TMEM132D: variants seen among roughly 807,000 people sequenced by gnomAD.
The protein encoded by TMEM132D is transmembrane protein 132D.
Under a neutral mutation model 62.3 loss-of-function variants are expected in TMEM132D, and 21 were observed. The observed-to-expected ratio is 0.34, with a 90% confidence interval of 0.24 to 0.49. TMEM132D has a LOEUF of 0.49. Among genes scored for constraint, TMEM132D ranks in the 20% least tolerant of loss-of-function variants. The probability of loss-of-function intolerance (pLI) is 0.99; values close to 1 mark genes in which losing one functional copy is unlikely to be tolerated. For missense variants in TMEM132D, 1,346 were observed against 1,402.8 expected (o/e 0.96, Z 0.65); for synonymous variants, 621 against 575.6 (o/e 1.08, Z -1.13).
rs906338737 is a variant in TMEM132D, at chr12:129,379,160, G to A, written c.1116-41343C>T. Among the ~76,000 whole-genome samples the A allele has an allele frequency of 2.6e-5, 4 of 152,126 alleles. No individual in the cohort carries two copies. The South Asian group carries it at 8.3e-4, about 32-fold the overall frequency. ...TCCTGTCTTTCAGTACTGTTTATTTGAGATCTGAATTTGGCCACGACTCTG... is the reference window on the plus strand; with the variant it reads ...TCCTGTCTTTCAGTACTGTTTATTTAAGATCTGAATTTGGCCACGACTCTG... On this transcript the variant is annotated intron_variant, in intron 3 of 8. Transcript: ENST00000422113.
intron 3 of TMEM132D, among the ~76,000 whole-genome samples, chr12:129,377,001 T>C (rs1448213706): frequency 2.6e-5 from 4 of 152,212 alleles, no homozygotes; most frequent in Non-Finnish European, 5.9e-5. Context: ...GTTTGCTCAG[T>C]GGAATTCCTG....
At chr12:129,416,435 G>C (rs1872122373) in intron 3 of TMEM132D, among the ~76,000 whole-genome samples, 1 of 152,208 alleles carries the variant, frequency 6.6e-6, no homozygotes, top group Non-Finnish European at 1.5e-5. Flanking sequence ...TTGCTCATCA[G>C]CTTAAGGAGT....
At chr12:129,700,770 G>A (rs1881368374) in intron 1 of TMEM132D, 72 bp from the exon 2 acceptor site, 2 of 1,497,752 alleles carry the variant, frequency 1.3e-6, no homozygotes, top group Non-Finnish European at 1.8e-6. Flanking sequence ...AGACATCTGC[G>A]TGCCCCCTTC....
intron 4 of TMEM132D, among the ~76,000 whole-genome samples, chr12:129,269,060 C>T (rs1880778272): frequency 6.6e-6 from 1 of 151,470 alleles, no homozygotes. Flanking sequence ...AGGAGATATA[C>T]CTAATGCTAA....
At chr12:129,851,652 C>G (rs1310678998) in intron 1 of TMEM132D, among the ~76,000 whole-genome samples, 2 of 152,180 alleles carry the variant, frequency 1.3e-5, no homozygotes, top group African/African-American at 4.8e-5. Context: ...CACCCATGTT[C>G]ACAGCACTGC....
intron 5 of TMEM132D, among the ~76,000 whole-genome samples, chr12:129,129,612 G>A (rs2135524291): frequency 6.6e-6 from 1 of 152,302 alleles, no homozygotes; most frequent in East Asian, 1.9e-4. Context: ...TACCAACAGT[G>A]TATAAGAGTT....
intron 3 of TMEM132D, among the ~76,000 whole-genome samples, chr12:129,380,690 G>T (rs1279506578): frequency 6.6e-6 from 1 of 151,988 alleles, no homozygotes; most frequent in Non-Finnish European, 1.5e-5. Flanking sequence ...CCTTCCTGTG[G>T]CCTTTCCATA....
intron 1 of TMEM132D, among the ~76,000 whole-genome samples, chr12:129,841,661 C>T (rs1400607183): frequency 6.6e-6 from 1 of 152,078 alleles, no homozygotes; most frequent in Admixed American, 6.6e-5. Context: ...TTTTGCCAAG[C>T]GAGAGGCACA....
chr12:129,113,960 G>T (rs1875805373), intron 5 of TMEM132D, among the ~76,000 whole-genome samples: 1 of 152,110 alleles, frequency 6.6e-6, no homozygotes, highest in African/African-American at 2.4e-5. Context: ...GCTTCAGCAG[G>T]AGGAGACCTC....
intron 3 of TMEM132D, among the ~76,000 whole-genome samples, chr12:129,498,559 A>G (rs1195795079): frequency 1.3e-5 from 2 of 152,174 alleles, no homozygotes; most frequent in African/African-American, 4.8e-5. Flanking sequence ...ATCTTTATGA[A>G]TAGAAACAAT....
chr12:129,423,260 C>T (rs1872383250), intron 3 of TMEM132D, among the ~76,000 whole-genome samples: 1 of 152,030 alleles, frequency 6.6e-6, no homozygotes, highest in Non-Finnish European at 1.5e-5. Flanking sequence ...CCTTTGTTTT[C>T]CTTTTCCTAC....
At chr12:129,562,246 T>C (rs1044277798) in intron 2 of TMEM132D, among the ~76,000 whole-genome samples, 4 of 152,178 alleles carry the variant, frequency 2.6e-5, no homozygotes, top group Admixed American at 6.5e-5. Context: ...TGGGTTCATG[T>C]GTTTGAAAAG....
At chr12:129,697,225 A>T (rs936887490) in intron 2 of TMEM132D, among the ~76,000 whole-genome samples, 1 of 152,228 alleles carries the variant, frequency 6.6e-6, no homozygotes, top group Admixed American at 6.5e-5. Context: ...GCGCCCAAGG[A>T]TACTTGGCTG....
At chr12:129,297,353 G>A (rs1881604196) in intron 4 of TMEM132D, among the ~76,000 whole-genome samples, 1 of 152,320 alleles carries the variant, frequency 6.6e-6, no homozygotes, top group Non-Finnish European at 1.5e-5. Context: ...GTGGGTTCAA[G>A]GCAAGCCATT....
chr12:129,718,399 C>T (rs1381740983), intron 1 of TMEM132D, among the ~76,000 whole-genome samples: 1 of 152,224 alleles, frequency 6.6e-6, no homozygotes, highest in Non-Finnish European at 1.5e-5. Context: ...TGACGCCTAA[C>T]AAAACATTCA....
At chr12:129,242,424 A>G (rs907152220) in intron 4 of TMEM132D, among the ~76,000 whole-genome samples, 10 of 152,198 alleles carry the variant, frequency 6.6e-5, no homozygotes, top group African/African-American at 2.2e-4. Context: ...TGATAATTAT[A>G]TATTTACACC....
intron 1 of TMEM132D, among the ~76,000 whole-genome samples, chr12:129,788,359 A>G (rs1871300243): frequency 6.6e-6 from 1 of 152,192 alleles, no homozygotes; most frequent in South Asian, 2.1e-4. Context: ...TTTGTCTTTT[A>G]TATATTTACA....
intron 5 of TMEM132D, among the ~76,000 whole-genome samples, chr12:129,195,020 G>A (rs1194518156): frequency 6.6e-6 from 1 of 152,164 alleles, no homozygotes; most frequent in Non-Finnish European, 1.5e-5. Context: ...AAACCAACCA[G>A]TCCTCACCCT....
intron 4 of TMEM132D, among the ~76,000 whole-genome samples, chr12:129,292,055 T>A (rs1392313662): frequency 6.6e-6 from 1 of 152,124 alleles, no homozygotes; most frequent in Non-Finnish European, 1.5e-5. Context: ...CATGGGTTGG[T>A]ATGATAACGG....
Sources: gnomAD v4.1 joint callset for allele counts (sites outside exome capture counted in the v4.1 genomes callset) on GRCh38, gnomAD v4.1.1 for gene constraint, MANE v1.5 for transcripts, NCBI Gene and HGNC (gene_info 2026-07-23, HGNC 2026-07-21) for gene names.